The following CSGALNACT1 variants were observed in gnomAD, a reference collection of about 807,000 sequenced individuals.
CSGALNACT1 encodes chondroitin sulfate N-acetylgalactosaminyltransferase 1, also known as beta4GalNAcT-1.
In CSGALNACT1, 52 loss-of-function variants were observed where a neutral mutation model predicts 51.0. The observed-to-expected ratio is 1.02, with a 90% CI of 0.82 to 1.29. CSGALNACT1 has a LOEUF of 1.29. CSGALNACT1 is among the 50% of genes most tolerant of loss of function. CSGALNACT1 has a pLI of 0.00. For synonymous variants in CSGALNACT1, 341 were observed against 254.4 expected (o/e 1.34, Z -3.24); for missense variants, 935 against 679.2 (o/e 1.38, Z -4.19).
intron 3 of CSGALNACT1, among the ~76,000 whole-genome samples, chr8:19,534,882 T>C (rs975793986): frequency 6.6e-6 from 1 of 152,234 alleles, no homozygotes; most frequent in African/African-American, 2.4e-5. Context: ...CCTTGGTGAT[T>C]ATAACCATAT....
At chr8:19,522,486 CA>C (rs2080922528) in intron 3 of CSGALNACT1, among the ~76,000 whole-genome samples, 2 of 152,096 alleles carry the variant, frequency 1.3e-5, no homozygotes, top group African/African-American at 4.8e-5. Context: ...GTACAGATTC[CA>C]TTAGGGATCC....
intron 1 of CSGALNACT1, among the ~76,000 whole-genome samples, chr8:19,646,758 A>G (rs1024036671): frequency 6.6e-6 from 1 of 152,162 alleles, no homozygotes; most frequent in Admixed American, 6.5e-5. Context: ...ACAGTTAACA[A>G]TTGACAAAAA....
chr8:19,577,792 C>T (rs113842335), intron 3 of CSGALNACT1, among the ~76,000 whole-genome samples: 131 of 152,242 alleles, frequency 8.6e-4, no homozygotes, highest in African/African-American at 2.9e-3. Context: ...GGAGTTAATA[C>T]TGTGTCTTTA....
Position 19,728,025 on chromosome 8 carries a change from C to T in CSGALNACT1, c.-297+29825G>A, listed in dbSNP as rs112133724. ...CGACTGGAGTTCTACGCGCGATGCT[C>T]TGAGAGGCTGTGTCATGTAATGATT... On this transcript the variant is annotated intron_variant, in intron 1 of 1. Transcript: ENST00000517494. Among the ~76,000 whole-genome samples the T allele has an allele frequency of 7.5e-3, 1,147 of 152,274 alleles. 14 individuals carry two copies. Among genetic ancestry groups the T allele is most frequent in the African/African-American group, 0.026 (1,077 of 41,542 alleles).
chr8:19,695,070 C>T (rs2061519313), intron 1 of CSGALNACT1, among the ~76,000 whole-genome samples: 1 of 152,154 alleles, frequency 6.6e-6, no homozygotes, highest in Non-Finnish European at 1.5e-5. Flanking sequence ...CTGAGAGATT[C>T]TAGTATTTGA....
chr8:19,694,722 CCTT>C (rs1456141669), intron 1 of CSGALNACT1, among the ~76,000 whole-genome samples: 3 of 152,142 alleles, frequency 2.0e-5, no homozygotes, highest in South Asian at 4.1e-4. Flanking sequence ...GCTTCTGAGC[CCTT>C]CTTTAGTTGC....
At chr8:19,580,917 T>G (rs1437937784) in intron 3 of CSGALNACT1, among the ~76,000 whole-genome samples, 1 of 151,686 alleles carries the variant, frequency 6.6e-6, no homozygotes, top group Non-Finnish European at 1.5e-5. Context: ...TTTATTGGAG[T>G]GAAACAGGTG....
At chr8:19,582,738 A>C (rs1421886657) in intron 3 of CSGALNACT1, among the ~76,000 whole-genome samples, 1 of 152,178 alleles carries the variant, frequency 6.6e-6, no homozygotes, top group Non-Finnish European at 1.5e-5. Context: ...CACCATAAAA[A>C]GCAAAGCCAA....
intron 6 of CSGALNACT1, among the ~76,000 whole-genome samples, chr8:19,435,354 G>A (rs1373322945): frequency 1.3e-5 from 2 of 152,260 alleles, no homozygotes; most frequent in East Asian, 3.9e-4. Context: ...TTCGCTGGGT[G>A]TGGTGGCGTG....
chr8:19,602,056 T>A (rs1588948214), exon 1 of CSGALNACT1: 3 of 310,478 alleles, frequency 9.7e-6, no homozygotes, highest in Admixed American at 4.3e-5. Flanking sequence ...ACTATTTGTT[T>A]AAAAAAAAAT....
chr8:19,587,362 A>G (rs2046878728), intron 3 of CSGALNACT1, among the ~76,000 whole-genome samples: 1 of 152,224 alleles, frequency 6.6e-6, no homozygotes, highest in African/African-American at 2.4e-5. Flanking sequence ...CCCCAAATGC[A>G]GTGCTTCTCA....
intron 1 of CSGALNACT1, among the ~76,000 whole-genome samples, chr8:19,700,129 A>G (rs935379916): frequency 3.1e-5 from 3 of 96,512 alleles, no homozygotes; most frequent in African/African-American, 1.1e-4. Flanking sequence ...AAAAAAAGAA[A>G]AAAAAAAACT....
chr8:19,560,562 A>C (rs1053859237), intron 3 of CSGALNACT1, among the ~76,000 whole-genome samples: 4 of 152,222 alleles, frequency 2.6e-5, no homozygotes, highest in African/African-American at 9.6e-5. Flanking sequence ...ACACGATGGA[A>C]AAATGACCCA....
At chr8:19,553,603 A>G (rs996510381) in intron 3 of CSGALNACT1, among the ~76,000 whole-genome samples, 4 of 142,860 alleles carry the variant, frequency 2.8e-5, no homozygotes, top group African/African-American at 1.1e-4. Flanking sequence ...ATAAAAATAC[A>G]TTTATGTATA....
At chr8:19,429,246 G>T (rs879286349) in intron 6 of CSGALNACT1, among the ~76,000 whole-genome samples, 8 of 152,104 alleles carry the variant, frequency 5.3e-5, no homozygotes, top group Non-Finnish European at 8.8e-5. Flanking sequence ...GTGCAATCTT[G>T]GTTCACCACA....
chr8:19,666,193 T>C (rs887270203), intron 1 of CSGALNACT1, among the ~76,000 whole-genome samples: 1 of 152,204 alleles, frequency 6.6e-6, no homozygotes. Context: ...AACAAGGTAT[T>C]CTAACAGTGT....
In CSGALNACT1 at chr8:19,563,455, T is replaced by C. The variant is rs529910693; in HGVS notation, c.-297+27705A>G. Among the ~76,000 whole-genome samples, 9 of 152,250 alleles carry C rather than the reference T, an allele frequency of 5.9e-5. No individual in the cohort carries two copies. In the South Asian group the frequency reaches 1.9e-3, roughly 32 times the overall value. ...AAAAATTTTTTAAATAGAAAAATATTATTTTCAGCAGAGACAACTGGCAAG... is the reference window on the plus strand; with the variant it reads ...AAAAATTTTTTAAATAGAAAAATATCATTTTCAGCAGAGACAACTGGCAAG... On this transcript the variant is annotated intron_variant, in intron 3 of 9. Transcript: ENST00000454498.
intron 1 of CSGALNACT1, among the ~76,000 whole-genome samples, chr8:19,632,905 C>G (rs1341931423): frequency 6.6e-6 from 1 of 151,006 alleles, no homozygotes; most frequent in Non-Finnish European, 1.5e-5. Context: ...CAGGCTTGCA[C>G]CACCACACCC....
At chr8:19,581,347 C>T (rs1209627964) in intron 3 of CSGALNACT1, among the ~76,000 whole-genome samples, 1 of 152,298 alleles carries the variant, frequency 6.6e-6, no homozygotes, top group Middle Eastern at 3.4e-3. Flanking sequence ...TTGATATCCC[C>T]TCTCACCTAC....
Sources: gnomAD v4.1 joint callset for allele counts (sites outside exome capture counted in the v4.1 genomes callset) on GRCh38, gnomAD v4.1.1 for gene constraint, MANE v1.5 for transcripts, NCBI Gene and HGNC (gene_info 2026-07-23, HGNC 2026-07-21) for gene names.